ENOX1: variants seen among roughly 807,000 people sequenced by gnomAD.
The protein encoded by ENOX1 is candidate growth-related and time keeping constitutive hydroquinone (NADH) oxidase.
In ENOX1, 42 loss-of-function variants were observed where a neutral mutation model predicts 82.5. The observed-to-expected ratio is 0.51, with a 90% CI of 0.40 to 0.66. The LOEUF (loss-of-function observed/expected upper bound fraction) is 0.66. Ranked by LOEUF, ENOX1 falls within the 30% of genes least tolerant of loss-of-function variation. ENOX1 has a pLI of 0.00. For synonymous variants in ENOX1, 271 were observed against 282.2 expected (o/e 0.96, Z 0.40); for missense variants, 608 against 811.6 (o/e 0.75, Z 3.05).
intron 2 of ENOX1, among the ~76,000 whole-genome samples, chr13:43,602,626 T>C (rs1017483030): frequency 6.6e-6 from 1 of 152,046 alleles, no homozygotes; most frequent in African/African-American, 2.4e-5. Flanking sequence ...TAATCCACAA[T>C]TTGACAATAA....
intron 2 of ENOX1, among the ~76,000 whole-genome samples, chr13:43,573,749 G>T (rs1340551929): frequency 6.6e-6 from 1 of 152,010 alleles, no homozygotes; most frequent in Non-Finnish European, 1.5e-5. Context: ...ATAGTATATT[G>T]TTCACCTCCA....
intron 12 of ENOX1, among the ~76,000 whole-genome samples, chr13:43,279,729 T>C (rs908298240): frequency 7.2e-5 from 11 of 152,210 alleles, no homozygotes; most frequent in Non-Finnish European, 1.3e-4. Flanking sequence ...ATTATCCTCT[T>C]TGCAAAAATG....
At chr13:43,445,659 T>G (rs1020293893) in intron 3 of ENOX1, among the ~76,000 whole-genome samples, 1 of 152,184 alleles carries the variant, frequency 6.6e-6, no homozygotes, top group Non-Finnish European at 1.5e-5. Context: ...TTTAAAAGAC[T>G]GTGTTTTACA....
At chr13:43,649,287 A>T (rs1348958188) in intron 2 of ENOX1, among the ~76,000 whole-genome samples, 1 of 152,214 alleles carries the variant, frequency 6.6e-6, no homozygotes, top group Non-Finnish European at 1.5e-5. Flanking sequence ...ACATCCAAGT[A>T]ATCTGTCTCA....
intron 1 of ENOX1, among the ~76,000 whole-genome samples, chr13:43,743,656 G>C (rs1949872356): frequency 6.6e-6 from 1 of 152,148 alleles, no homozygotes; most frequent in African/African-American, 2.4e-5. Flanking sequence ...GGTAAAGCAG[G>C]ATAAGTACTG....
At chr13:43,398,074 C>T (rs1414142646) in intron 5 of ENOX1, among the ~76,000 whole-genome samples, 1 of 152,176 alleles carries the variant, frequency 6.6e-6, no homozygotes, top group East Asian at 1.9e-4. Flanking sequence ...GCCTTTATGA[C>T]TTAATTACCA....
In ENOX1 at chr13:43,298,030, G is replaced by T. The variant is rs542686030; in HGVS notation, c.1446+316C>A. On this transcript the variant is annotated intron_variant, in intron 12 of 16. Coordinates refer to ENST00000690772, the MANE Select transcript of ENOX1 (RefSeq NM_001347969.2). ...AAAGTTCTAAGATTACAAAATGCTT[G>T]TATCATGCAGGGATCTGCTAGGTAT... Among the ~76,000 whole-genome samples, 3 of 152,336 alleles carry T rather than the reference G, an allele frequency of 2.0e-5. No individual in the cohort carries two copies. The South Asian group carries it at 6.2e-4, about 32-fold the overall frequency.
chr13:43,439,190 C>T (rs2056217214), intron 3 of ENOX1, among the ~76,000 whole-genome samples: 1 of 151,498 alleles, frequency 6.6e-6, no homozygotes. Context: ...GCTGGGATTA[C>T]AGGCACCCGT....
chr13:43,292,542 A>T (rs930941312), intron 12 of ENOX1, among the ~76,000 whole-genome samples: 6 of 152,064 alleles, frequency 3.9e-5, no homozygotes, highest in Admixed American at 2.6e-4. Flanking sequence ...AGTTCTCTGG[A>T]GCACTACCTT....
At chr13:43,294,747 A>G (rs1445608403) in intron 12 of ENOX1, among the ~76,000 whole-genome samples, 2 of 152,220 alleles carry the variant, frequency 1.3e-5, no homozygotes, top group South Asian at 2.1e-4. Flanking sequence ...TATTGACTAG[A>G]CAAACAAACC....
chr13:43,672,316 CTAAAG>C (rs756535869), intron 1 of ENOX1, among the ~76,000 whole-genome samples: 8 of 152,142 alleles, frequency 5.3e-5, no homozygotes, highest in Non-Finnish European at 1.0e-4. Flanking sequence ...AGTAAATTTA[CTAAAG>C]TAAAGTAAAG....
intron 11 of ENOX1, among the ~76,000 whole-genome samples, chr13:43,320,137 G>A (rs139972224): frequency 5.9e-5 from 9 of 152,302 alleles, no homozygotes; most frequent in African/African-American, 2.2e-4. Context: ...CTGCCTTTGG[G>A]CCAGATCTTC....
chr13:43,509,422 G>A (rs2077286482), intron 2 of ENOX1, among the ~76,000 whole-genome samples: 1 of 151,884 alleles, frequency 6.6e-6, no homozygotes, highest in Non-Finnish European at 1.5e-5. Context: ...CTAGAATCAG[G>A]GTCTGTGAGC....
At chr13:43,348,782 G>A (rs1467501618) in intron 8 of ENOX1, among the ~76,000 whole-genome samples, 5 of 152,194 alleles carry the variant, frequency 3.3e-5, no homozygotes, top group Admixed American at 1.3e-4. Context: ...CAAAATGCAA[G>A]AGTAGTGATG....
chr13:43,358,662 C>T (rs9567161), intron 7 of ENOX1, among the ~76,000 whole-genome samples: 7,113 of 152,258 alleles, frequency 0.047, 271 homozygotes, highest in East Asian at 0.15. Flanking sequence ...CACTTAATAT[C>T]CATTATTTGA....
intron 2 of ENOX1, among the ~76,000 whole-genome samples, chr13:43,584,713 T>C: frequency 6.6e-6 from 1 of 152,308 alleles, no homozygotes; most frequent in East Asian, 1.9e-4. Flanking sequence ...CCTGCTTATT[T>C]TGAGACCATG....
intron 2 of ENOX1, among the ~76,000 whole-genome samples, chr13:43,653,504 T>C (rs1291692228): frequency 1.3e-5 from 2 of 152,216 alleles, no homozygotes; most frequent in African/African-American, 4.8e-5. Flanking sequence ...AAAGTACCAA[T>C]TTATAATTTA....
intron 11 of ENOX1, among the ~76,000 whole-genome samples, chr13:43,307,915 C>T (rs7319544): frequency 0.95 from 145,037 of 152,210 alleles, 69,524 homozygotes; most frequent in East Asian, 1. Flanking sequence ...GACCGGGCCC[C>T]GGGAACAGCC....
At chr13:43,290,551 A>AGT (rs1438782935) in intron 12 of ENOX1, among the ~76,000 whole-genome samples, 1 of 152,216 alleles carries the variant, frequency 6.6e-6, no homozygotes, top group African/African-American at 2.4e-5. Flanking sequence ...CTAAACACTG[A>AGT]GTACACATGG....
Sources: gnomAD v4.1 joint callset for allele counts (sites outside exome capture counted in the v4.1 genomes callset) on GRCh38, gnomAD v4.1.1 for gene constraint, MANE v1.5 for transcripts, NCBI Gene and HGNC (gene_info 2026-07-23, HGNC 2026-07-21) for gene names.